SMYD2: variants seen among roughly 807,000 people sequenced by gnomAD.
SMYD2 encodes the protein N-lysine methyltransferase SMYD2.
Under a neutral mutation model 59.1 loss-of-function variants are expected in SMYD2, and 53 were observed. That is an observed-to-expected ratio of 0.90 (90% CI 0.72 to 1.13). The LOEUF is 1.13. Among genes scored for constraint, SMYD2 ranks in the 50% most tolerant of loss-of-function variants. SMYD2 has a pLI of 0.00. For synonymous variants in SMYD2, 208 were observed against 198.8 expected (o/e 1.05, Z -0.39); for missense variants, 494 against 544.7 (o/e 0.91, Z 0.93).
chr1:214,302,224 A>G (rs1257600755), intron 1 of SMYD2, among the ~76,000 whole-genome samples: 1 of 151,968 alleles, frequency 6.6e-6, no homozygotes, highest in Non-Finnish European at 1.5e-5. Flanking sequence ...GTGTCATCCC[A>G]GCTACTCAGG....
At position 214,332,280 on chromosome 1, in the gene SMYD2, T is replaced by C. The variant is rs1657368736; in HGVS notation, c.1112+88T>C. 4 of 1,482,316 alleles carry C rather than the reference T, an allele frequency of 2.7e-6. No homozygotes were observed. In the South Asian group the frequency reaches 5.3e-5, roughly 20 times the overall value. 91.8% of individuals were successfully genotyped at this position (1,482,316 alleles called of 1,614,324 possible). Reference sequence around the variant, plus strand: ...ATAGTGTCATCTTCCTGCCCATTGCTGAGACTTGCCTAGCGCAGCTGCCTC... The same window carrying C: ...ATAGTGTCATCTTCCTGCCCATTGCCGAGACTTGCCTAGCGCAGCTGCCTC... On this transcript the variant is annotated intron_variant, in intron 10 of 11. Coordinates refer to ENST00000366957, the MANE Select transcript of SMYD2 (RefSeq NM_020197.3).
chr1:214,332,713 A>G (rs1657375244), intron 10 of SMYD2: 1 of 153,758 alleles, frequency 6.5e-6, no homozygotes, highest in South Asian at 2.0e-4. Flanking sequence ...TTTAATTTGT[A>G]GTAATAATGA....
At position 214,318,867 on chromosome 1, in the gene SMYD2, A is replaced by G; in HGVS notation, c.418A>G (p.Lys140Glu). ...GGATTATTTATCCACAGATCTGGAT[A>G]AGTTAGACAATGAGAAGAAGGATTT... ...AVKEFESHLD[K>E]LDNEKKDLIQ... is the part of the protein sequence containing the mutation. Residue 140 changes from lysine to glutamate, a missense_variant, in exon 5 of 12, where the codon AAG becomes GAG. By Grantham distance (56) the Lys-to-Glu change is moderately conservative. Coordinates refer to ENST00000366957, the MANE Select transcript of SMYD2 (RefSeq NM_020197.3). The surrounding 1 kb of genome is among the most constrained non-coding windows in gnomAD (Gnocchi z 5.4). The G allele has an allele frequency of 6.2e-7, 1 of 1,613,940 alleles. No homozygotes were observed.
chr1:214,327,139 C>T (rs536506020), intron 6 of SMYD2, among the ~76,000 whole-genome samples: 73 of 152,302 alleles, frequency 4.8e-4, no homozygotes, highest in African/African-American at 1.7e-3. Flanking sequence ...CGGGTGTCTC[C>T]GGGTCTCTCA....
In SMYD2 at chr1:214,318,054, G is replaced by C. The variant is rs752635613; in HGVS notation, c.349-25G>C. On this transcript the variant is annotated intron_variant, in intron 3 of 11. Transcript: ENST00000366957. The surrounding 1 kb of genome is among the most constrained non-coding windows in gnomAD (Gnocchi z 5.4). ...ACTGGTTGTTAAAAAATCTGTATCT[G>C]TGTGATTTCTTCCCCAATTGCTAGA... The C allele has an allele frequency of 6.2e-7, 1 of 1,606,110 alleles. No homozygotes were observed. The highest frequency in any genetic ancestry group is 2.2e-5 in the East Asian group (1 of 44,844).
intron 1 of SMYD2, among the ~76,000 whole-genome samples, chr1:214,302,352 A>AT (rs1168852945): frequency 6.6e-6 from 1 of 151,688 alleles, no homozygotes; most frequent in East Asian, 1.9e-4. Context: ...AAAAAAAAAA[A>AT]ATACAGTGTT....
At chr1:214,298,708 C>T (rs1174003436) in intron 1 of SMYD2, among the ~76,000 whole-genome samples, 1 of 152,138 alleles carries the variant, frequency 6.6e-6, no homozygotes, top group Non-Finnish European at 1.5e-5. Flanking sequence ...AAACAAGTAA[C>T]CCCGTTAAAA....
At chr1:214,286,186 T>C (rs1054697225) in intron 1 of SMYD2, among the ~76,000 whole-genome samples, 1 of 152,184 alleles carries the variant, frequency 6.6e-6, no homozygotes, top group African/African-American at 2.4e-5. Flanking sequence ...ATCTGTAAAA[T>C]GTGCGTACTA....
At chr1:214,326,299 A>G (rs1334611411) in intron 6 of SMYD2, among the ~76,000 whole-genome samples, 2 of 151,808 alleles carry the variant, frequency 1.3e-5, no homozygotes, top group Admixed American at 1.3e-4. Context: ...GTGGTTGCCA[A>G]CAGAATTATG....
At chr1:214,305,376 T>C in intron 2 of SMYD2, 126 bp downstream of exon 2, 1 of 957,102 alleles carries the variant, frequency 1.0e-6, no homozygotes, top group Non-Finnish European at 1.7e-6. Flanking sequence ...CTGGATATCC[T>C]TGGATGTGTG....
chr1:214,308,336 A>G (rs1465369471), intron 2 of SMYD2, among the ~76,000 whole-genome samples: 1 of 152,240 alleles, frequency 6.6e-6, no homozygotes, highest in African/African-American at 2.4e-5. Flanking sequence ...GAAGAACTAA[A>G]TAAGTGTGGG....
At chr1:214,304,476 C>T (rs950492756) in intron 1 of SMYD2, among the ~76,000 whole-genome samples, 1 of 148,460 alleles carries the variant, frequency 6.7e-6, no homozygotes, top group Non-Finnish European at 1.5e-5. Flanking sequence ...GGAGAACGGC[C>T]TACGCCCGGG....
intron 11 of SMYD2, among the ~76,000 whole-genome samples, chr1:214,335,677 G>A (rs1476979489): frequency 1.3e-5 from 2 of 152,184 alleles, no homozygotes; most frequent in Admixed American, 6.5e-5. Context: ...GGCGCTGTTC[G>A]AAACACTGTA....
chr1:214,308,539 A>G (rs1656949509), intron 2 of SMYD2, among the ~76,000 whole-genome samples: 1 of 152,172 alleles, frequency 6.6e-6, no homozygotes, highest in Non-Finnish European at 1.5e-5. Flanking sequence ...GCTCTGCTTA[A>G]AGGATAAAAC....
At chr1:214,286,513 G>A (rs910053348) in intron 1 of SMYD2, among the ~76,000 whole-genome samples, 10 of 152,038 alleles carry the variant, frequency 6.6e-5, no homozygotes, top group Non-Finnish European at 1.5e-4. Context: ...GCTCACACCT[G>A]TAATCCCAAC....
intron 1 of SMYD2, among the ~76,000 whole-genome samples, chr1:214,288,889 TAA>T (rs574796960): frequency 1.3e-3 from 194 of 151,198 alleles, no homozygotes; most frequent in Non-Finnish European, 2.4e-3. Flanking sequence ...TACCTACATA[TAA>T]AGAGTTTGTT....
chr1:214,281,449 C>CGGCG lies in SMYD2; in HGVS notation c.173+29_173+32dup, dbSNP rs762327473. 8.3e-4 allele frequency: 1,141 copies of CGGCG among 1,372,594 alleles called. 22 individuals carry two copies. The South Asian group carries it at 0.02, about 24-fold the overall frequency. 85.0% of individuals were successfully genotyped at this position (1,372,594 alleles called of 1,614,324 possible). On this transcript the variant is annotated intron_variant, in intron 1 of 11. Transcript: ENST00000366957. ...CCAGGTAGGGCGGCGGCGGCGGCGG[C>CGGCG]GGCGGGCGGGAGCCGGGGGCGCCGA...
rs75379211 is a variant in SMYD2, at chr1:214,318,760, T to C, written c.410-99T>C. 9.8e-4 allele frequency: 1,343 copies of C among 1,377,340 alleles called. 12 individuals are homozygous for C. The African/African-American group carries it at 0.018, about 18-fold the overall frequency. 85.3% of individuals were successfully genotyped at this position (1,377,340 alleles called of 1,614,324 possible). ...ATGTTAGTTTTGGGTTTTTTTTTTT[T>C]CGCCCGTTCCTTTCCTCTGTATCAT... is the stretch of plus-strand genomic sequence containing the variant. On this transcript the variant is annotated intron_variant, in intron 4 of 11. Coordinates refer to ENST00000366957, the MANE Select transcript of SMYD2 (RefSeq NM_020197.3). The surrounding 1 kb of genome is among the most constrained non-coding windows in gnomAD (Gnocchi z 5.4).
intron 1 of SMYD2, among the ~76,000 whole-genome samples, chr1:214,295,973 T>A (rs1389480462): frequency 1.3e-5 from 2 of 152,224 alleles, no homozygotes; most frequent in African/African-American, 4.8e-5. Flanking sequence ...TTTTTTCCCA[T>A]TCTCTTTTTC....
Sources: gnomAD v4.1 joint callset for allele counts (sites outside exome capture counted in the v4.1 genomes callset) on GRCh38, gnomAD v4.1.1 for gene constraint, Gnocchi (gnomAD v3.1) non-coding constraint, MANE v1.5 for transcripts, NCBI Gene and HGNC (gene_info 2026-07-23, HGNC 2026-07-21) for gene names.